Variants in POLR3B observed in about 807,000 individuals in gnomAD.
POLR3B encodes the protein RNA polymerase III subunit B.
A neutral mutation model predicts 147.4 loss-of-function variants in POLR3B; 96 were observed. That is an observed-to-expected ratio of 0.65 (90% CI 0.55 to 0.77). The LOEUF (loss-of-function observed/expected upper bound fraction) is 0.77, where lower values mean the gene tolerates loss of function less well. Ranked by LOEUF, POLR3B falls within the 30% of genes least tolerant of loss-of-function variation. POLR3B has a pLI of 0.00. For missense variants in POLR3B, 1,036 were observed against 1,413.5 expected (o/e 0.73, Z 4.28); for synonymous variants, 461 against 485.9 (o/e 0.95, Z 0.67).
intron 23 of POLR3B, among the ~76,000 whole-genome samples, chr12:106,466,486 T>C (rs2038007685): frequency 6.6e-6 from 1 of 152,210 alleles, no homozygotes; most frequent in African/African-American, 2.4e-5. Flanking sequence ...TTTTGGCTTT[T>C]GTTGCCATTG....
At chr12:106,367,808 C>G (rs772755647) in intron 4 of POLR3B, among the ~76,000 whole-genome samples, 1 of 152,132 alleles carries the variant, frequency 6.6e-6, no homozygotes, top group Non-Finnish European at 1.5e-5. Context: ...TAGGGACATT[C>G]TTTGAGACTA....
chr12:106,435,214 G>A (rs947617414), intron 16 of POLR3B, among the ~76,000 whole-genome samples: 1 of 151,030 alleles, frequency 6.6e-6, no homozygotes, highest in African/African-American at 2.4e-5. Flanking sequence ...TGCAGCCTCC[G>A]CCTCCCAGGT....
intron 23 of POLR3B, among the ~76,000 whole-genome samples, chr12:106,489,698 T>C (rs2137067149): frequency 6.6e-6 from 1 of 152,302 alleles, no homozygotes; most frequent in East Asian, 1.9e-4. Context: ...TTGTTAGTCC[T>C]TTTTTCTGTA....
At chr12:106,485,573 T>C (rs1039348433) in intron 23 of POLR3B, among the ~76,000 whole-genome samples, 3 of 152,174 alleles carry the variant, frequency 2.0e-5, no homozygotes, top group Non-Finnish European at 4.4e-5. Context: ...ATTCTGGACA[T>C]ACTCTGGAGA....
intron 9 of POLR3B, among the ~76,000 whole-genome samples, chr12:106,391,730 C>T (rs965643316): frequency 6.6e-6 from 1 of 152,170 alleles, no homozygotes; most frequent in African/African-American, 2.4e-5. Context: ...ATTATATTAG[C>T]ACAAACACCT....
chr12:106,454,820 T>C (rs1008743705), intron 20 of POLR3B, 109 bp downstream of exon 20: 1 of 716,836 alleles, frequency 1.4e-6, no homozygotes, highest in South Asian at 1.5e-5. Flanking sequence ...TTATTTGAAT[T>C]TTATGATATA....
intron 23 of POLR3B, among the ~76,000 whole-genome samples, chr12:106,492,638 T>C (rs2038421618): frequency 6.6e-6 from 1 of 152,244 alleles, no homozygotes; most frequent in Non-Finnish European, 1.5e-5. Flanking sequence ...TATGTTGTTC[T>C]GTGAAGCCTT....
At chr12:106,378,886 C>G (rs2036719231) in intron 8 of POLR3B, among the ~76,000 whole-genome samples, 1 of 152,150 alleles carries the variant, frequency 6.6e-6, no homozygotes, top group Admixed American at 6.5e-5. Flanking sequence ...TTCGAGGCTT[C>G]TGTAACTTCT....
At chr12:106,471,740 G>C (rs2038095142) in intron 23 of POLR3B, among the ~76,000 whole-genome samples, 1 of 152,140 alleles carries the variant, frequency 6.6e-6, no homozygotes, top group African/African-American at 2.4e-5. Context: ...GAATGAATGA[G>C]TGAATGAAAT....
intron 22 of POLR3B, among the ~76,000 whole-genome samples, chr12:106,463,032 CTGA>C (rs2037961597): frequency 1.3e-5 from 2 of 152,030 alleles, no homozygotes; most frequent in Admixed American, 1.3e-4. Flanking sequence ...CTACCAGGAT[CTGA>C]TACCTGGTAG....
At chr12:106,417,816 G>A (rs1156466999) in intron 12 of POLR3B, among the ~76,000 whole-genome samples, 3 of 151,846 alleles carry the variant, frequency 2.0e-5, no homozygotes, top group African/African-American at 7.3e-5. Context: ...AAACCATGGT[G>A]TTAAATGAGT....
chr12:106,460,491 A>G (rs140772124), intron 22 of POLR3B, among the ~76,000 whole-genome samples: 2 of 152,286 alleles, frequency 1.3e-5, no homozygotes, highest in East Asian at 3.9e-4. Context: ...GCTTCTCTTG[A>G]CCACTGTGCT....
rs1034151360 is a variant in POLR3B at position 106,393,210 on chromosome 12, T to A, written c.846+57T>A. 2.1e-5 allele frequency: 33 copies of A among 1,607,942 alleles called. No individual in the cohort carries two copies. The Admixed American group carries it at 2.8e-4, about 14-fold the overall frequency. On this transcript the variant is annotated intron_variant, in intron 10 of 27. Coordinates refer to ENST00000228347, the MANE Select transcript of POLR3B (RefSeq NM_018082.6). ...AATGGAATTGGAGACTTAATGCTGC[T>A]CATTGATAAAGCTCATCGGATGTGA...
chr12:106,425,794 C>T (rs184878149), intron 12 of POLR3B, among the ~76,000 whole-genome samples: 2 of 152,278 alleles, frequency 1.3e-5, no homozygotes, highest in African/African-American at 4.8e-5. Flanking sequence ...CCTTCAATTA[C>T]ACTATTTGCA....
At chr12:106,464,575 G>A (rs1267385558) in intron 23 of POLR3B, among the ~76,000 whole-genome samples, 1 of 152,140 alleles carries the variant, frequency 6.6e-6, no homozygotes, top group African/African-American at 2.4e-5. Context: ...TGACTGTTAA[G>A]CAGTTAGCAG....
intron 1 of POLR3B, among the ~76,000 whole-genome samples, chr12:106,361,135 A>C (rs2036464289): frequency 6.6e-6 from 1 of 152,214 alleles, no homozygotes; most frequent in Non-Finnish European, 1.5e-5. Context: ...AGCTGTGCAC[A>C]TGAGGACATG....
chr12:106,372,321 T>A (rs1410453220), intron 6 of POLR3B, among the ~76,000 whole-genome samples: 1 of 146,676 alleles, frequency 6.8e-6, no homozygotes, highest in Non-Finnish European at 1.5e-5. Context: ...TAACTTTATT[T>A]TGTGTGTGTG....
At chr12:106,454,848 G>A in intron 20 of POLR3B, 137 bp downstream of exon 20, 1 of 661,552 alleles carries the variant, frequency 1.5e-6, no homozygotes, top group Non-Finnish European at 2.7e-6. Flanking sequence ...GAGGTGGTTG[G>A]GTTTTGATGT....
chr12:106,462,253 A>G (rs1418078922), intron 22 of POLR3B, among the ~76,000 whole-genome samples: 1 of 151,438 alleles, frequency 6.6e-6, no homozygotes, highest in African/African-American at 2.4e-5. Flanking sequence ...TGCTAGGGTG[A>G]TTTTTTCTTT....
Sources: gnomAD v4.1 joint callset for allele counts (sites outside exome capture counted in the v4.1 genomes callset) on GRCh38, gnomAD v4.1.1 for gene constraint, MANE v1.5 for transcripts, NCBI Gene and HGNC (gene_info 2026-07-23, HGNC 2026-07-21) for gene names.